Variants in ATP6V1E1 observed in about 807,000 individuals in gnomAD.
The protein encoded by ATP6V1E1 is ATPase H+ transporting V1 subunit E1, also known as V-type proton ATPase subunit E 1.
Under a neutral mutation model 35.2 loss-of-function variants are expected in ATP6V1E1, and 21 were observed. The ratio of observed to expected loss-of-function variants is 0.60; its 90% CI spans 0.42 to 0.86. The LOEUF is 0.86. Among genes scored for constraint, ATP6V1E1 ranks in the 40% least tolerant of loss-of-function variants. The pLI, the probability that ATP6V1E1 is intolerant of heterozygous loss-of-function variation, is 0.00. For missense variants in ATP6V1E1, 183 were observed against 272.6 expected (o/e 0.67, Z 2.32); for synonymous variants, 83 against 87.8 (o/e 0.95, Z 0.30).
chr22:17,593,276 AAAAC>A (rs1446622558), intron 8 of ATP6V1E1, among the ~76,000 whole-genome samples: 22 of 150,610 alleles, frequency 1.5e-4, no homozygotes, highest in African/African-American at 5.0e-4. Context: ...ACATTAAAAA[AAAAC>A]AAAACAAAAA....
At chr22:17,625,594 C>T (rs551704483) in intron 1 of ATP6V1E1, among the ~76,000 whole-genome samples, 1 of 152,220 alleles carries the variant, frequency 6.6e-6, no homozygotes, top group East Asian at 1.9e-4. Flanking sequence ...TATTGCTCAT[C>T]TCAGAAGATT....
intron 4 of ATP6V1E1, among the ~76,000 whole-genome samples, chr22:17,608,420 T>C (rs1429919216): frequency 6.6e-6 from 1 of 152,194 alleles, no homozygotes; most frequent in Non-Finnish European, 1.5e-5. Context: ...CATTTCTTTT[T>C]GTTTCTATTA....
At chr22:17,592,914 A>C (rs2057711978) in intron 8 of ATP6V1E1, among the ~76,000 whole-genome samples, 178 bp from the exon 9 acceptor site, 1 of 151,662 alleles carries the variant, frequency 6.6e-6, no homozygotes, top group Non-Finnish European at 1.5e-5. Context: ...CAGCCTCCCA[A>C]GTAGATGGGA....
intron 6 of ATP6V1E1, among the ~76,000 whole-genome samples, chr22:17,599,106 G>T (rs118063405): frequency 9.7e-4 from 146 of 151,090 alleles, no homozygotes; most frequent in Non-Finnish European, 1.6e-3. Flanking sequence ...GTGAATGGGG[G>T]AGAAGAGAAG....
rs2057742836 is a variant in ATP6V1E1, at chr22:17,598,256, T to G, written c.468A>C (p.Lys156Asn). The G allele has an allele frequency of 1.2e-6, 2 of 1,613,942 alleles. No homozygotes were observed. The highest frequency in any genetic ancestry group is 3.3e-5 in the Admixed American group (2 of 59,986). Reference protein sequence around the residue: ...AAVQKAIPMYKIATKNDVDVQ... With the variant: ...AAVQKAIPMYNIATKNDVDVQ... Reference sequence around the variant, plus strand: ...CATCAACATCGTTTTTGGTGGCAATTTTGTACATAGGAATTGCCTTCTGCA... The same window carrying G: ...CATCAACATCGTTTTTGGTGGCAATGTTGTACATAGGAATTGCCTTCTGCA... The change falls in exon 7 of 9, where the codon AAA becomes AAC. Residue 156 changes from lysine to asparagine, a missense_variant. Lys to Asn is a moderately conservative substitution (Grantham distance 94). Coordinates refer to ENST00000253413, the MANE Select transcript of ATP6V1E1 (RefSeq NM_001696.4).
At chr22:17,628,562 A>T in intron 1 of ATP6V1E1, 41 bp downstream of exon 1, 1 of 1,613,614 alleles carries the variant, frequency 6.2e-7, no homozygotes, top group Non-Finnish European at 8.5e-7. Context: ...ACTCCCCGGG[A>T]CTGCCGCCGC....
rs745986758 is a variant in ATP6V1E1, at chr22:17,619,521, C to T, written c.39G>A (p.Lys13=). 5 of 1,594,228 alleles carry T rather than the reference C, an allele frequency of 3.1e-6. No individual in the cohort carries two copies. Among genetic ancestry groups the T allele is most frequent in the Non-Finnish European group, 1.7e-6 (2 of 1,172,152 alleles). Residue 13 remains lysine (K), a synonymous_variant, in exon 2 of 9, where the codon AAG becomes AAA. Coordinates refer to ENST00000253413, the MANE Select transcript of ATP6V1E1 (RefSeq NM_001696.4). ...CTTGTTCAATGAAAGCCATCATATG[C>T]TTTATCTATAAGGAAAAAAAGTTTT... ...LSDADVQKQI[K]HMMAFIEQEA... is the part of the protein sequence containing the mutation.
At chr22:17,620,400 G>C (rs2057870101) in intron 1 of ATP6V1E1, among the ~76,000 whole-genome samples, 1 of 151,916 alleles carries the variant, frequency 6.6e-6, no homozygotes, top group Non-Finnish European at 1.5e-5. Flanking sequence ...GCCCGCCTCA[G>C]CCTCCCAAAG....
chr22:17,619,720 C>T (rs1433426584), intron 1 of ATP6V1E1, among the ~76,000 whole-genome samples, 194 bp from the exon 2 acceptor site: 2 of 152,110 alleles, frequency 1.3e-5, no homozygotes, highest in Non-Finnish European at 2.9e-5. Flanking sequence ...CCCGTCTCTA[C>T]TAAAAATTTA....
Position 17,628,689 on chromosome 22 carries a change from G to A in ATP6V1E1, c.-54C>T, listed in dbSNP as rs2057940605. On this transcript the variant is annotated 5_prime_UTR_variant, in exon 1 of 9. Coordinates refer to ENST00000253413, the MANE Select transcript of ATP6V1E1 (RefSeq NM_001696.4). Reference sequence around the variant, plus strand: ...GTAGGCTCGAGTTTAGGTTTGAAAGGTGAGGTGAGAGAAATCGGCAAAGGG... The same window carrying A: ...GTAGGCTCGAGTTTAGGTTTGAAAGATGAGGTGAGAGAAATCGGCAAAGGG... The A allele has an allele frequency of 2.5e-6, 4 of 1,611,894 alleles. No homozygotes were observed. Among genetic ancestry groups the A allele is most frequent in the African/African-American group, 2.7e-5 (2 of 74,878 alleles).
At chr22:17,628,321 C>T (rs1481249784) in intron 1 of ATP6V1E1, among the ~76,000 whole-genome samples, 1 of 152,324 alleles carries the variant, frequency 6.6e-6, no homozygotes, top group African/African-American at 2.4e-5. Flanking sequence ...ACAGTGAATA[C>T]CCTTGGAAAA....
At chr22:17,610,909 G>A (rs558625064) in intron 4 of ATP6V1E1, among the ~76,000 whole-genome samples, 1 of 152,206 alleles carries the variant, frequency 6.6e-6, no homozygotes, top group Admixed American at 6.5e-5. Context: ...TTACATGCCA[G>A]AGGACTTAAA....
chr22:17,620,987 G>A (rs1280160969), intron 1 of ATP6V1E1, among the ~76,000 whole-genome samples: 5 of 152,034 alleles, frequency 3.3e-5, no homozygotes, highest in African/African-American at 9.7e-5. Context: ...GCGTGAACCC[G>A]GGAGGCGAAG....
intron 7 of ATP6V1E1, among the ~76,000 whole-genome samples, chr22:17,595,692 G>A (rs1312035182): frequency 6.6e-6 from 1 of 152,110 alleles, no homozygotes; most frequent in Non-Finnish European, 1.5e-5. Flanking sequence ...ATGGTGGGGC[G>A]TGCCTGTAGT....
At position 17,625,598 on chromosome 22, in the gene ATP6V1E1, G is replaced by A. The variant is rs571300427; in HGVS notation, c.33+3005C>T. On this transcript the variant is annotated intron_variant, in intron 1 of 8. Coordinates refer to ENST00000253413, the MANE Select transcript of ATP6V1E1 (RefSeq NM_001696.4). Reference sequence around the variant, plus strand: ...GGAAAAAATTTTATTGCTCATCTCAGAAGATTCATAAGACAGTGAGTGTGC... The same window carrying A: ...GGAAAAAATTTTATTGCTCATCTCAAAAGATTCATAAGACAGTGAGTGTGC... Among the ~76,000 whole-genome samples the A allele has an allele frequency of 2.0e-5, 3 of 152,200 alleles. No individual in the cohort carries two copies. The South Asian group carries it at 6.2e-4, about 32-fold the overall frequency.
chr22:17,598,305 C>T lies in ATP6V1E1; in HGVS notation c.436-17G>A. The T allele has an allele frequency of 1.3e-6, 2 of 1,583,946 alleles. No homozygotes were observed. The highest frequency in any genetic ancestry group is 1.7e-6 in the Non-Finnish European group (2 of 1,153,184). ...CACTGCAGCCTGGAAGTATAGAACA[C>T]AATGAGAGGTGTCACTAGGAACTAT... On this transcript the variant is annotated splice_polypyrimidine_tract_variant and intron_variant, in intron 6 of 8. Transcript: ENST00000253413.
At chr22:17,601,849 C>T (rs985072024) in intron 4 of ATP6V1E1, among the ~76,000 whole-genome samples, 6 of 152,178 alleles carry the variant, frequency 3.9e-5, no homozygotes, top group East Asian at 3.9e-4. Flanking sequence ...TCAGGTGATC[C>T]GCCTGCCTTG....
chr22:17,617,849 G>A (rs761411070), intron 2 of ATP6V1E1, among the ~76,000 whole-genome samples: 23 of 151,820 alleles, frequency 1.5e-4, no homozygotes, highest in African/African-American at 4.8e-4. Flanking sequence ...TCACTCTGTC[G>A]TCCAGGCTGG....
intron 1 of ATP6V1E1, among the ~76,000 whole-genome samples, chr22:17,622,570 C>T (rs2057883141): frequency 1.3e-5 from 2 of 152,100 alleles, no homozygotes; most frequent in Admixed American, 6.6e-5. Flanking sequence ...ATGGGTGCAG[C>T]AAACCACCAT....
Sources: allele counts gnomAD v4.1 joint callset (sites outside exome capture counted in the v4.1 genomes callset), GRCh38; gene constraint gnomAD v4.1.1; transcripts MANE v1.5; gene names NCBI Gene and HGNC (gene_info 2026-07-23, HGNC 2026-07-21).